UGT2B4: variants seen among roughly 807,000 people sequenced by gnomAD.
UGT2B4 encodes the protein UDP glucuronosyltransferase family 2 member B4.
A neutral mutation model predicts 49.8 loss-of-function variants in UGT2B4; 49 were observed. That is an observed-to-expected ratio of 0.98 (90% CI 0.78 to 1.25). The LOEUF (loss-of-function observed/expected upper bound fraction) is 1.25, where lower values mean the gene tolerates loss of function less well. Among genes scored for constraint, UGT2B4 ranks in the 50% most tolerant of loss-of-function variants. The pLI, the probability that UGT2B4 is intolerant of heterozygous loss-of-function variation, is 0.00. For missense variants in UGT2B4, 729 were observed against 627.7 expected, an observed-to-expected ratio of 1.16 and a Z score of -1.73; for synonymous variants, 246 against 217.7, an observed-to-expected ratio of 1.13 and a Z score of -1.14.
At chr4:69,491,829 G>A (rs77910240) in intron 2 of UGT2B4, among the ~76,000 whole-genome samples, 2 of 152,118 alleles carry the variant, frequency 1.3e-5, no homozygotes, top group East Asian at 3.9e-4. Flanking sequence ...CTCAGCTTTT[G>A]TCTCTTTAGA....
intron 1 of UGT2B4, among the ~76,000 whole-genome samples, chr4:69,504,877 G>C (rs929867878): frequency 2.0e-5 from 3 of 151,982 alleles, no homozygotes; most frequent in African/African-American, 7.2e-5. Flanking sequence ...ACCTACAAAG[G>C]GAAGCCCATA....
rs771729489 is a variant in UGT2B4 at position 69,489,555 on chromosome 4, C to A, written c.886G>T (p.Val296Phe). Residue 296 changes from valine (V) to phenylalanine (F), a missense_variant, in exon 3 of 6, where the codon GTC (valine) becomes TTC (phenylalanine). Physicochemically the swap from Val to Phe is conservative, Grantham distance 50. Transcript: ENST00000305107. The stretch of plus-strand genomic sequence containing the variant: ...ACACCATTTTCTCCAGAGCTCTGGA[C>A]AAACTCTTCCATTTCCTGTGAAAAA... ...KPLPKEMEEF[V>F]QSSGENGVVV... The A allele has an allele frequency of 2.5e-6, 4 of 1,607,886 alleles. No individual in the cohort carries two copies. The highest frequency in any genetic ancestry group is 1.3e-5 in the African/African-American group (1 of 74,348).
In UGT2B4 at chr4:69,495,435, A is replaced by G; in HGVS notation, c.427T>C (p.Ser143Pro). The change falls in exon 1 of 6, where the codon TCA becomes CCA. Residue 143 changes from serine to proline, a missense_variant. Physicochemically the swap from Ser to Pro is moderately conservative, Grantham distance 74. Transcript: ENST00000305107. ...NKKLMKKLQE[S>P]RFDVVLADAV... ...TCTGCAAGAACAACATCAAATCTTG[A>G]CTCCTGTAGTTTCTTCATAAGTTTC... 6.2e-7 allele frequency: 1 copy of G among 1,613,594 alleles called. No homozygotes were observed. The highest frequency in any genetic ancestry group is 8.5e-7 in the Non-Finnish European group (1 of 1,179,872).
At position 69,480,418 on chromosome 4, in the gene UGT2B4, T is replaced by C; in HGVS notation, c.*216A>G. Reference sequence around the variant, plus strand: ...ATTTCAATATAACCTCATATGGCTTTATATCATTTTTGTTTTCCCTAATGT... The same window carrying C: ...ATTTCAATATAACCTCATATGGCTTCATATCATTTTTGTTTTCCCTAATGT... On this transcript the variant is annotated 3_prime_UTR_variant, in exon 6 of 6. Transcript: ENST00000305107. 1.7e-6 allele frequency: 1 copy of C among 578,676 alleles called. No homozygotes were observed. Among genetic ancestry groups the C allele is most frequent in the South Asian group, 2.5e-5 (1 of 39,834 alleles). 35.8% of individuals were successfully genotyped at this position (578,676 alleles called of 1,614,324 possible). A position where few individuals can be genotyped will look rare whatever the true frequency, so the allele number is the denominator to read the frequency against.
Position 69,495,234 on chromosome 4 carries a change from T to A in UGT2B4, c.628A>T (p.Arg210Trp). The change falls in exon 1 of 6, where the codon AGG (arginine) becomes TGG (tryptophan). Residue 210 changes from arginine (R) to tryptophan (W), a missense_variant. Coordinates refer to ENST00000305107, the MANE Select transcript of UGT2B4 (RefSeq NM_021139.3). ...AGCACATAGATCATATTTTTTACCCTCTCTATGAAAGTCATTTGGTCACTT... is the reference window on the plus strand; with the variant it reads ...AGCACATAGATCATATTTTTTACCCACTCTATGAAAGTCATTTGGTCACTT... ...ELSDQMTFIE[R>W]VKNMIYVLYF... 6.2e-7 allele frequency: 1 copy of A among 1,609,128 alleles called. No individual in the cohort carries two copies. Among genetic ancestry groups the A allele is most frequent in the Non-Finnish European group, 8.5e-7 (1 of 1,178,798 alleles).
chr4:69,482,656 G>T (rs1418987477), intron 5 of UGT2B4, among the ~76,000 whole-genome samples: 1 of 151,778 alleles, frequency 6.6e-6, no homozygotes, highest in African/African-American at 2.4e-5. Flanking sequence ...ACCTAGTCTG[G>T]AGTGCAGTGG....
chr4:69,524,216 C>T (rs78076396), intron 1 of UGT2B4, among the ~76,000 whole-genome samples: 53,320 of 151,764 alleles, frequency 0.35, 9,444 homozygotes, highest in Non-Finnish European at 0.37. Context: ...TTAACTGCTG[C>T]AAGAGGCCTA....
At chr4:69,514,379 G>A (rs1728679286) in intron 1 of UGT2B4, among the ~76,000 whole-genome samples, 1 of 151,996 alleles carries the variant, frequency 6.6e-6, no homozygotes, top group East Asian at 1.9e-4. Context: ...GAGATGATGG[G>A]GTTTTATAGA....
At chr4:69,497,202 G>A (rs1419062759), upstream of UGT2B4, among the ~76,000 whole-genome samples, 1 of 152,108 alleles carries the variant, frequency 6.6e-6, no homozygotes, top group African/African-American at 2.4e-5. Flanking sequence ...TGGTCTGAGG[G>A]ACCTCCCTGA....
At chr4:69,496,995 AATT>A (rs1199317176), upstream of UGT2B4, among the ~76,000 whole-genome samples, 3 of 151,790 alleles carry the variant, frequency 2.0e-5, no homozygotes, top group Non-Finnish European at 4.4e-5. Context: ...ATTCAGTATT[AATT>A]ATTACATTAG....
At chr4:69,509,170 A>ATTTTTTTTTTTTTTT (rs3075675) in intron 1 of UGT2B4, among the ~76,000 whole-genome samples, 1 of 119,782 alleles carries the variant, frequency 8.3e-6, no homozygotes, top group African/African-American at 3.2e-5. Context: ...TGGAATTTCT[A>ATTTTTTTTTTTTTTT]TTTTTTTTTT....
intron 5 of UGT2B4, 78 bp downstream of exon 5, chr4:69,485,130 A>G: frequency 1.3e-6 from 2 of 1,497,852 alleles, no homozygotes; most frequent in Non-Finnish European, 1.8e-6. Flanking sequence ...CGCTTATAAA[A>G]AGGATAAAAG....
chr4:69,482,467 A>G (rs550506515), intron 5 of UGT2B4, among the ~76,000 whole-genome samples: 1 of 152,314 alleles, frequency 6.6e-6, no homozygotes. Flanking sequence ...GGGTATCAGA[A>G]TCTTCTTAGA....
At position 69,486,687 on chromosome 4, in the gene UGT2B4, T is replaced by A. The variant is rs1727797089; in HGVS notation, c.1012A>T (p.Arg338Ter). The change falls in exon 4 of 6, where the codon AGA becomes TGA. Residue 338 changes from arginine to a stop codon, truncating the protein, a stop_gained. Transcript: ENST00000305107. LOFTEE classifies it high-confidence loss of function. ...GTATCTGGTTTATTCCCATCAAATC[T>A]CCACAGAACCTGTTACAGTGAAGAA... is the stretch of plus-strand genomic sequence containing the variant. ...LAKIPQKVLW[R>*]FDGNKPDTLG... 6.2e-7 allele frequency: 1 copy of A among 1,605,304 alleles called. No homozygotes were observed. Among genetic ancestry groups the A allele is most frequent in the Non-Finnish European group, 8.5e-7 (1 of 1,177,086 alleles).
rs751588331 is a variant in UGT2B4 at position 69,495,232 on chromosome 4, C to T, written c.630G>A (p.Arg210=). ...ELSDQMTFIE[R]VKNMIYVLYF... ...AAAGCACATAGATCATATTTTTTACCCTCTCTATGAAAGTCATTTGGTCAC... is the reference window on the plus strand; with the variant it reads ...AAAGCACATAGATCATATTTTTTACTCTCTCTATGAAAGTCATTTGGTCAC... The change falls in exon 1 of 6, where the codon AGG becomes AGA. Residue 210 remains arginine (R), a synonymous_variant. Coordinates refer to ENST00000305107, the MANE Select transcript of UGT2B4 (RefSeq NM_021139.3). 1.2e-6 allele frequency: 2 copies of T among 1,607,962 alleles called. No homozygotes were observed. The highest frequency in any genetic ancestry group is 1.1e-5 in the South Asian group (1 of 89,632).
At chr4:69,491,170 T>C (rs1345627719) in intron 2 of UGT2B4, among the ~76,000 whole-genome samples, 1 of 150,020 alleles carries the variant, frequency 6.7e-6, no homozygotes, top group Admixed American at 6.7e-5. Flanking sequence ...ATTCTGATTG[T>C]ATATACCTTT....
At chr4:69,504,019 C>T (rs28837764) in intron 1 of UGT2B4, among the ~76,000 whole-genome samples, 2,614 of 152,230 alleles carry the variant, frequency 0.017, 45 homozygotes, top group Non-Finnish European at 0.026. Flanking sequence ...GCTGAATTCA[C>T]CTTATATCAC....
intron 1 of UGT2B4, among the ~76,000 whole-genome samples, chr4:69,503,590 C>A (rs1355850283): frequency 2.6e-5 from 4 of 152,206 alleles, no homozygotes; most frequent in Non-Finnish European, 5.9e-5. Flanking sequence ...CAGTCCCCCA[C>A]CCTTGTGCTA....
Position 69,482,114 on chromosome 4 carries a change from A to C in UGT2B4, c.1311-1204T>G, listed in dbSNP as rs985713150. On this transcript the variant is annotated intron_variant, in intron 5 of 5. Transcript: ENST00000305107. ...AAGCTCCTGTCCTAGCATCTTACAC[A>C]TTGCGTCCCCTCTACCCACACTTGG... Among the ~76,000 whole-genome samples the C allele has an allele frequency of 3.9e-5, 6 of 152,028 alleles. No homozygotes were observed. In the East Asian group the frequency reaches 9.6e-4, roughly 24 times the overall value.
Sources: allele counts gnomAD v4.1 joint callset (sites outside exome capture counted in the v4.1 genomes callset), GRCh38; gene constraint gnomAD v4.1.1; transcripts MANE v1.5; gene names NCBI Gene and HGNC (gene_info 2026-07-23, HGNC 2026-07-21).